The following SNAP91 variants were observed in gnomAD, a reference collection of about 807,000 sequenced individuals.
SNAP91 encodes synaptosome associated protein 91, also known as clathrin coat assembly protein AP180.
SNAP91 carries 27 observed loss-of-function variants against 100.3 expected under a neutral mutation model. The ratio of observed to expected loss-of-function variants is 0.27; its 90% CI spans 0.20 to 0.37. The LOEUF is 0.37. Among genes scored for constraint, SNAP91 ranks in the 10% least tolerant of loss-of-function variants. The pLI is 1.00. For synonymous variants in SNAP91, 404 were observed against 398.6 expected (o/e 1.01, Z -0.16); for missense variants, 986 against 1,123.7 (o/e 0.88, Z 1.75).
intron 23 of SNAP91, 33 bp downstream of exon 23, chr6:83,582,189 C>A: frequency 1.2e-6 from 2 of 1,609,600 alleles, no homozygotes; most frequent in Non-Finnish European, 1.7e-6. Context: ...TACCAGGACA[C>A]ATGAAAAGAA....
intron 28 of SNAP91, among the ~76,000 whole-genome samples, chr6:83,556,522 T>C (rs1359550309): frequency 8.5e-5 from 13 of 152,224 alleles, no homozygotes; most frequent in Non-Finnish European, 5.9e-5. Flanking sequence ...TGGTAAAATA[T>C]ACTTCAACTG....
At chr6:83,639,432 A>T (rs1408329251) in intron 8 of SNAP91, among the ~76,000 whole-genome samples, 2 of 152,232 alleles carry the variant, frequency 1.3e-5, no homozygotes, top group East Asian at 3.8e-4. Flanking sequence ...CTCTATTAAA[A>T]ATAATTTTGT....
chr6:83,555,823 A>G (rs1438460481), intron 29 of SNAP91, among the ~76,000 whole-genome samples: 1 of 152,142 alleles, frequency 6.6e-6, no homozygotes, highest in Non-Finnish European at 1.5e-5. Context: ...GCTTTCTATA[A>G]ATTCAAGTCA....
intron 2 of SNAP91, among the ~76,000 whole-genome samples, chr6:83,686,994 T>G (rs1043518181): frequency 6.6e-6 from 1 of 152,212 alleles, no homozygotes; most frequent in Non-Finnish European, 1.5e-5. Flanking sequence ...ATGTAAGTCC[T>G]TCATAAAGCT....
intron 22 of SNAP91, among the ~76,000 whole-genome samples, chr6:83,589,606 T>C (rs886457566): frequency 1.3e-5 from 2 of 152,072 alleles, no homozygotes; most frequent in African/African-American, 4.8e-5. Context: ...CTGGTATGAG[T>C]GGTTTCAGCA....
Position 83,559,935 on chromosome 6 carries a change from T to G in SNAP91, c.2631+169A>C, listed in dbSNP as rs890877615. ...ACAGTGAGTTATTTCCATCACTTTT[T>G]CCCCCCCAAATCTCACTTTTGCAGA... On this transcript the variant is annotated intron_variant, in intron 28 of 29. Coordinates refer to ENST00000369694, the MANE Select transcript of SNAP91 (RefSeq NM_001242792.2). Among the ~76,000 whole-genome samples the G allele has an allele frequency of 1.3e-5, 2 of 151,968 alleles. 1 individual carries two copies. The highest frequency in any genetic ancestry group is 4.2e-4 in the South Asian group (2 of 4,808).
intron 12 of SNAP91, 81 bp from the exon 13 acceptor site, chr6:83,607,889 C>G (rs2095736504): frequency 3.1e-6 from 2 of 642,464 alleles, no homozygotes; most frequent in Non-Finnish European, 4.9e-6. Context: ...CTTTGTATAA[C>G]CATGACATGC....
chr6:83,660,992 C>T (rs1179146566), intron 5 of SNAP91, among the ~76,000 whole-genome samples: 1 of 151,960 alleles, frequency 6.6e-6, no homozygotes, highest in Non-Finnish European at 1.5e-5. Flanking sequence ...ATTGCCCAGG[C>T]TGGTCTTTAA....
intron 26 of SNAP91, among the ~76,000 whole-genome samples, chr6:83,572,198 A>C (rs1809204736): frequency 6.6e-6 from 1 of 151,940 alleles, no homozygotes; most frequent in Non-Finnish European, 1.5e-5. Context: ...TCTAACTGAA[A>C]ATTTGTCTTC....
At chr6:83,689,082 A>C (rs1376927485) in intron 2 of SNAP91, among the ~76,000 whole-genome samples, 15 of 152,278 alleles carry the variant, frequency 9.9e-5, no homozygotes, top group Admixed American at 3.3e-4. Flanking sequence ...ATCTTTCGCC[A>C]TCAGGTGTGC....
chr6:83,564,348 T>TA (rs1793474473), intron 26 of SNAP91, among the ~76,000 whole-genome samples: 1 of 136,660 alleles, frequency 7.3e-6, no homozygotes, highest in Admixed American at 8.4e-5. Flanking sequence ...TTTTTTTTTA[T>TA]ATATATATAT....
At chr6:83,653,869 T>C (rs959384865) in intron 7 of SNAP91, among the ~76,000 whole-genome samples, 1 of 152,154 alleles carries the variant, frequency 6.6e-6, no homozygotes, top group Admixed American at 6.6e-5. Context: ...AAAATAGATG[T>C]AGTGGGCTGG....
chr6:83,691,014 G>A (rs2128987357), intron 2 of SNAP91, among the ~76,000 whole-genome samples: 1 of 152,064 alleles, frequency 6.6e-6, no homozygotes, highest in East Asian at 1.9e-4. Flanking sequence ...TCTAAGTCAA[G>A]GTAGACATTT....
intron 8 of SNAP91, among the ~76,000 whole-genome samples, chr6:83,629,089 C>T (rs955645401): frequency 2.0e-5 from 3 of 151,938 alleles, no homozygotes; most frequent in Non-Finnish European, 2.9e-5. Context: ...TGTAGCTAGT[C>T]AATTATCCCA....
intron 11 of SNAP91, among the ~76,000 whole-genome samples, chr6:83,612,566 TA>T (rs2096205386): frequency 6.6e-6 from 1 of 151,968 alleles, no homozygotes; most frequent in Admixed American, 6.6e-5. Context: ...TTGATACAAT[TA>T]TAAATACTAA....
At chr6:83,692,285 TG>T (rs1476770582) in intron 2 of SNAP91, among the ~76,000 whole-genome samples, 1 of 152,104 alleles carries the variant, frequency 6.6e-6, no homozygotes, top group Non-Finnish European at 1.5e-5. Context: ...GAGGCCAAGG[TG>T]GGTAGATCAC....
intron 26 of SNAP91, 36 bp downstream of exon 26, chr6:83,574,974 C>CT: frequency 1.4e-6 from 2 of 1,395,830 alleles, no homozygotes; most frequent in Non-Finnish European, 2.0e-6. Flanking sequence ...AACTGGCAAA[C>CT]TGCCTGCGCT....
chr6:83,674,073 T>C (rs912606543), intron 2 of SNAP91, among the ~76,000 whole-genome samples: 4 of 152,174 alleles, frequency 2.6e-5, no homozygotes, highest in Non-Finnish European at 5.9e-5. Flanking sequence ...TGTTTGTTTG[T>C]TTTGTTTTTA....
chr6:83,567,462 C>T (rs972410526), intron 26 of SNAP91, among the ~76,000 whole-genome samples: 5 of 152,162 alleles, frequency 3.3e-5, no homozygotes, highest in African/African-American at 1.2e-4. Context: ...ATGTCTAAAA[C>T]ACCAAAAGCA....
Sources: allele counts gnomAD v4.1 joint callset (sites outside exome capture counted in the v4.1 genomes callset), GRCh38; gene constraint gnomAD v4.1.1; transcripts MANE v1.5; gene names NCBI Gene and HGNC (gene_info 2026-07-23, HGNC 2026-07-21).